Variants in ARK2N observed in about 807,000 individuals in gnomAD.
The protein encoded by ARK2N is protein ARK2N.
chr18:46,250,529 G>GTT, the ARK2N span, among the ~76,000 whole-genome samples: 2 of 39,770 alleles, frequency 5.0e-5, no homozygotes, highest in Admixed American at 5.2e-4. Context: ...ATTTTCCATT[G>GTT]TTTTTTTTTC....
At chr18:46,262,105 A>G in the ARK2N span, among the ~76,000 whole-genome samples, 1 of 152,240 alleles carries the variant, frequency 6.6e-6, no homozygotes, top group Non-Finnish European at 1.5e-5. Context: ...AGCATTGATC[A>G]CATGAGTTGC....
the ARK2N span, among the ~76,000 whole-genome samples, chr18:46,258,851 T>C: frequency 6.6e-5 from 10 of 152,356 alleles, no homozygotes; most frequent in African/African-American, 2.4e-4. Context: ...TTGCATCCAT[T>C]ATAGGACCAC....
the ARK2N span, among the ~76,000 whole-genome samples, chr18:46,200,517 A>C: frequency 1.3e-5 from 2 of 152,116 alleles, no homozygotes; most frequent in East Asian, 3.8e-4. Context: ...TATGTTGGCC[A>C]GGCTGGGCTC....
the ARK2N span, among the ~76,000 whole-genome samples, chr18:46,194,242 A>G: frequency 6.6e-6 from 1 of 151,814 alleles, no homozygotes; most frequent in East Asian, 2.0e-4. Flanking sequence ...GTCCACCACC[A>G]TGCCTGGCCC....
the ARK2N span, among the ~76,000 whole-genome samples, chr18:46,188,232 C>T: frequency 6.6e-6 from 1 of 152,086 alleles, no homozygotes; most frequent in Non-Finnish European, 1.5e-5. Flanking sequence ...CAGAGTTTTG[C>T]TCTTGTTGCC....
At chr18:46,186,818 T>C in the ARK2N span, among the ~76,000 whole-genome samples, 1 of 147,976 alleles carries the variant, frequency 6.8e-6, no homozygotes, top group Non-Finnish European at 1.5e-5. Flanking sequence ...GAATTTTGTT[T>C]TTTTAACCTT....
chr18:46,239,476 T>C, the ARK2N span, among the ~76,000 whole-genome samples: 1 of 152,338 alleles, frequency 6.6e-6, no homozygotes, highest in East Asian at 1.9e-4. Context: ...TTACTGGAAA[T>C]AGATATGTTA....
At chr18:46,257,961 C>T in the ARK2N span, among the ~76,000 whole-genome samples, 4 of 150,704 alleles carry the variant, frequency 2.7e-5, no homozygotes, top group African/African-American at 9.8e-5. Context: ...GAGTCTCGCC[C>T]TGTCCTCCAG....
At chr18:46,208,227 C>G in the ARK2N span, among the ~76,000 whole-genome samples, 1 of 152,156 alleles carries the variant, frequency 6.6e-6, no homozygotes, top group East Asian at 1.9e-4. Context: ...TGATAAACTT[C>G]AGTACTACCT....
the ARK2N span, among the ~76,000 whole-genome samples, chr18:46,199,834 CAA>C: frequency 1.3e-5 from 2 of 152,156 alleles, no homozygotes; most frequent in Non-Finnish European, 2.9e-5. Flanking sequence ...AGCTGTTTGA[CAA>C]AGAGGTTTGG....
the ARK2N span, among the ~76,000 whole-genome samples, chr18:46,212,368 C>T: frequency 6.6e-6 from 1 of 152,166 alleles, no homozygotes; most frequent in South Asian, 2.1e-4. Context: ...ACTGGTATTA[C>T]TATTTTCTTA....
the ARK2N span, chr18:46,228,893 C>G: frequency 2.5e-6 from 1 of 398,232 alleles, no homozygotes; most frequent in Non-Finnish European, 4.4e-6. Flanking sequence ...TAGTTATATT[C>G]AAGGTAAGAA....
At chr18:46,199,384 G>C in the ARK2N span, among the ~76,000 whole-genome samples, 4 of 151,338 alleles carry the variant, frequency 2.6e-5, no homozygotes, top group Non-Finnish European at 5.9e-5. Flanking sequence ...GAGTGATCTC[G>C]GCTCAGTGCA....
the ARK2N span, among the ~76,000 whole-genome samples, chr18:46,175,497 G>A: frequency 6.6e-6 from 1 of 151,578 alleles, no homozygotes; most frequent in Non-Finnish European, 1.5e-5. Flanking sequence ...AGTAATCAGA[G>A]CATTGCCTTT....
the ARK2N span, among the ~76,000 whole-genome samples, chr18:46,227,158 A>G: frequency 6.6e-6 from 1 of 152,242 alleles, no homozygotes; most frequent in Non-Finnish European, 1.5e-5. Context: ...TAATAACATC[A>G]ATATGAAAAA....
At chr18:46,174,710 G>A in the ARK2N span, among the ~76,000 whole-genome samples, 1 of 152,182 alleles carries the variant, frequency 6.6e-6, no homozygotes, top group Admixed American at 6.5e-5. Flanking sequence ...GGGCTGCGGG[G>A]GGAAGCGACT....
chr18:46,197,240 G>A, the ARK2N span, among the ~76,000 whole-genome samples: 1 of 152,086 alleles, frequency 6.6e-6, no homozygotes, highest in African/African-American at 2.4e-5. Context: ...TTGCCCAAAA[G>A]TCGTGTCCCT....
the ARK2N span, among the ~76,000 whole-genome samples, chr18:46,251,666 T>C: frequency 6.6e-6 from 1 of 152,252 alleles, no homozygotes; most frequent in Admixed American, 6.5e-5. Context: ...AGAATCTACA[T>C]ATTTTTATAG....
chr18:46,231,317 C>T, the ARK2N span, among the ~76,000 whole-genome samples: 140 of 152,244 alleles, frequency 9.2e-4, 1 homozygote, highest in African/African-American at 3.1e-3. Context: ...TGTGTGTATG[C>T]ATGTGTGTAC....
Sources: allele counts gnomAD v4.1 joint callset (sites outside exome capture counted in the v4.1 genomes callset), GRCh38; gene constraint gnomAD v4.1.1; transcripts MANE v1.5; gene names NCBI Gene and HGNC (gene_info 2026-07-23, HGNC 2026-07-21).